The following DNAJB6 variants were observed in gnomAD, a reference collection of about 807,000 sequenced individuals.
The protein encoded by DNAJB6 is dnaJ homolog subfamily B member 6.
In DNAJB6, 16 loss-of-function variants were observed where a neutral mutation model predicts 42.7. The observed-to-expected ratio is 0.37, with a 90% confidence interval of 0.25 to 0.57. The LOEUF (loss-of-function observed/expected upper bound fraction) is 0.57. Ranked by LOEUF, DNAJB6 falls within the 20% of genes least tolerant of loss-of-function variation. DNAJB6 has a pLI of 0.74. For synonymous variants in DNAJB6, 170 were observed against 163.5 expected (o/e 1.04, Z -0.30); for missense variants, 347 against 416.8 (o/e 0.83, Z 1.46).
At chr7:157,366,378 C>A in intron 3 of DNAJB6, 124 bp from the exon 4 acceptor site, 1 of 796,178 alleles carries the variant, frequency 1.3e-6, no homozygotes, top group Non-Finnish European at 2.1e-6. Context: ...GAAAAGGTGG[C>A]CATACTCCTT....
intron 1 of DNAJB6, among the ~76,000 whole-genome samples, chr7:157,355,228 C>T (rs747907486): frequency 1.3e-5 from 2 of 152,324 alleles, no homozygotes; most frequent in Admixed American, 6.5e-5. Flanking sequence ...GGCGCGATCT[C>T]GGCTCACTGC....
chr7:157,392,099 CAA>C (rs57861175), intron 8 of DNAJB6, among the ~76,000 whole-genome samples: 84 of 112,196 alleles, frequency 7.5e-4, no homozygotes, highest in East Asian at 1.1e-3. Context: ...GACCCTGTCT[CAA>C]AAAAAAAAAA....
intron 4 of DNAJB6, among the ~76,000 whole-genome samples, chr7:157,366,792 A>G (rs1308275963): frequency 1.3e-5 from 2 of 152,264 alleles, no homozygotes; most frequent in South Asian, 2.1e-4. Flanking sequence ...ATTTGTAACC[A>G]TACTGCAATA....
intron 5 of DNAJB6, among the ~76,000 whole-genome samples, chr7:157,371,956 G>T (rs1800230809): frequency 6.6e-6 from 1 of 152,202 alleles, no homozygotes; most frequent in Admixed American, 6.5e-5. Flanking sequence ...TAGCAGTGCA[G>T]CAAGTTTTTC....
At chr7:157,362,566 G>T (rs1407347550) in intron 2 of DNAJB6, among the ~76,000 whole-genome samples, 1 of 152,026 alleles carries the variant, frequency 6.6e-6, no homozygotes, top group Non-Finnish European at 1.5e-5. Context: ...TAGCGTTGGG[G>T]TTTCTCCATG....
intron 4 of DNAJB6, 57 bp downstream of exon 4, chr7:157,366,618 T>C (rs1799859295): frequency 1.3e-6 from 2 of 1,511,582 alleles, no homozygotes; most frequent in Non-Finnish European, 1.8e-6. Flanking sequence ...AAGTTGAGTT[T>C]GTAAATCACG....
Position 157,357,795 on chromosome 7 carries a change from C to T in DNAJB6, c.-26-752C>T, listed in dbSNP as rs145901509. Among the ~76,000 whole-genome samples, 10 of 152,228 alleles carry T rather than the reference C, an allele frequency of 6.6e-5. No individual in the cohort carries two copies. In the South Asian group the frequency reaches 8.3e-4, roughly 13 times the overall value. ...GGGTTTCATTGTACATTTTACTGCCCGGGGAAGTAACAAGGTTGAACCACG... is the reference window on the plus strand; with the variant it reads ...GGGTTTCATTGTACATTTTACTGCCTGGGGAAGTAACAAGGTTGAACCACG... On this transcript the variant is annotated intron_variant, in intron 1 of 9. Coordinates refer to ENST00000262177, the MANE Select transcript of DNAJB6 (RefSeq NM_058246.4).
intron 8 of DNAJB6, among the ~76,000 whole-genome samples, chr7:157,399,657 A>C (rs189240547): frequency 5.9e-5 from 9 of 151,916 alleles, no homozygotes; most frequent in East Asian, 3.9e-4. Flanking sequence ...ATATCTATAT[A>C]TCTCTCTCTC....
At chr7:157,360,424 A>G (rs1799523550) in intron 2 of DNAJB6, among the ~76,000 whole-genome samples, 1 of 152,216 alleles carries the variant, frequency 6.6e-6, no homozygotes, top group Non-Finnish European at 1.5e-5. Context: ...GTGGGGACAT[A>G]GCCAGCCCTT....
chr7:157,374,369 C>A (rs960252693), intron 5 of DNAJB6, among the ~76,000 whole-genome samples: 1 of 152,112 alleles, frequency 6.6e-6, no homozygotes, highest in African/African-American at 2.4e-5. Flanking sequence ...AAGTGATTCT[C>A]CTGCCTTAGC....
intron 2 of DNAJB6, among the ~76,000 whole-genome samples, chr7:157,362,091 C>G (rs1799630644): frequency 6.6e-6 from 1 of 151,870 alleles, no homozygotes; most frequent in South Asian, 2.1e-4. Context: ...AAATAGCGTG[C>G]AATTATTTGG....
At chr7:157,362,797 T>TA (rs1184268287) in intron 2 of DNAJB6, among the ~76,000 whole-genome samples, 1 of 152,198 alleles carries the variant, frequency 6.6e-6, no homozygotes, top group Non-Finnish European at 1.5e-5. Flanking sequence ...TTCTAAAACT[T>TA]ACTTTAATGA....
intron 8 of DNAJB6, among the ~76,000 whole-genome samples, chr7:157,391,358 T>C (rs1801332348): frequency 6.6e-6 from 1 of 152,246 alleles, no homozygotes; most frequent in South Asian, 2.1e-4. Context: ...GCCAGGCCTC[T>C]GAGAAAGTCA....
intron 1 of DNAJB6, among the ~76,000 whole-genome samples, chr7:157,343,716 T>C (rs1176136766): frequency 6.6e-6 from 1 of 152,238 alleles, no homozygotes; most frequent in African/African-American, 2.4e-5. Flanking sequence ...CCCAAAGTGC[T>C]GGGATTATAC....
At chr7:157,366,121 T>C (rs970471441) in intron 3 of DNAJB6, among the ~76,000 whole-genome samples, 6 of 151,984 alleles carry the variant, frequency 3.9e-5, no homozygotes, top group African/African-American at 1.2e-4. Context: ...TGGCTAATTA[T>C]TGTATTTTTA....
intron 3 of DNAJB6, among the ~76,000 whole-genome samples, chr7:157,364,548 C>G (rs565636706): frequency 6.6e-6 from 1 of 152,092 alleles, no homozygotes; most frequent in South Asian, 2.1e-4. Flanking sequence ...TTCCAAGCAC[C>G]ATTGCGCCAG....
intron 8 of DNAJB6, among the ~76,000 whole-genome samples, chr7:157,399,789 C>T (rs1029096600): frequency 6.6e-5 from 10 of 152,144 alleles, no homozygotes; most frequent in African/African-American, 2.2e-4. Flanking sequence ...CTGCCTTAGC[C>T]TCTGGAGTAG....
chr7:157,406,612 C>G (rs984418765), intron 8 of DNAJB6, among the ~76,000 whole-genome samples: 1 of 152,104 alleles, frequency 6.6e-6, no homozygotes, highest in Non-Finnish European at 1.5e-5. Context: ...TCCACAGGAG[C>G]CAGGCTGCCC....
At chr7:157,406,997 C>G (rs989355033) in intron 8 of DNAJB6, among the ~76,000 whole-genome samples, 1 of 152,234 alleles carries the variant, frequency 6.6e-6, no homozygotes, top group Non-Finnish European at 1.5e-5. Flanking sequence ...CAGGCGATGG[C>G]AGCCCCGGCT....
Sources: gnomAD v4.1 joint callset for allele counts (sites outside exome capture counted in the v4.1 genomes callset) on GRCh38, gnomAD v4.1.1 for gene constraint, MANE v1.5 for transcripts, NCBI Gene and HGNC (gene_info 2026-07-23, HGNC 2026-07-21) for gene names.